The following DNER variants were observed in gnomAD, a reference collection of about 807,000 sequenced individuals.
DNER encodes delta/notch like EGF repeat containing.
In DNER, 33 loss-of-function variants were observed where a neutral mutation model predicts 78.2. The ratio of observed to expected loss-of-function variants is 0.42; its 90% CI spans 0.32 to 0.56. The LOEUF is 0.56. DNER is among the 20% of genes least tolerant of loss of function. The pLI is 0.11. For missense variants in DNER, 918 were observed against 975.3 expected (o/e 0.94, Z 0.78); for synonymous variants, 417 against 384.8 (o/e 1.08, Z -0.98).
chr2:229,507,120 A>T (rs185144735), intron 6 of DNER, among the ~76,000 whole-genome samples: 2 of 152,362 alleles, frequency 1.3e-5, no homozygotes, highest in Admixed American at 1.3e-4. Flanking sequence ...AACTAAACAT[A>T]GAAAAGTTAC....
intron 12 of DNER, 87 bp from the exon 13 acceptor site, chr2:229,358,738 T>C (rs1692146610): frequency 9.4e-7 from 1 of 1,063,330 alleles, no homozygotes; most frequent in East Asian, 2.5e-5. Context: ...TTTATATGCA[T>C]GAATTAAATG....
chr2:229,707,897 T>A (rs1699854261), intron 1 of DNER, among the ~76,000 whole-genome samples: 1 of 152,238 alleles, frequency 6.6e-6, no homozygotes, highest in African/African-American at 2.4e-5. Flanking sequence ...GTCTCTCTGA[T>A]GGGCCAGGCA....
chr2:229,672,354 A>G (rs1443096671), intron 1 of DNER, among the ~76,000 whole-genome samples: 1 of 151,630 alleles, frequency 6.6e-6, no homozygotes, highest in African/African-American at 2.4e-5. Flanking sequence ...CGGACTTTTG[A>G]GATGGAAGCT....
Position 229,591,942 on chromosome 2 carries a change from A to C in DNER, c.277-54T>G. On this transcript the variant is annotated intron_variant, in intron 1 of 12. Transcript: ENST00000341772. The surrounding 1 kb of genome is among the most constrained non-coding windows in gnomAD (Gnocchi z 4.6). ...ATTCCCTCATAAGAAAAGTGGTGCC[A>C]TCGCTGGGAAATTAGCTCTGTGTCT... The C allele has an allele frequency of 6.9e-7, 1 of 1,450,430 alleles. No individual in the cohort carries two copies. The highest frequency in any genetic ancestry group is 9.0e-7 in the Non-Finnish European group (1 of 1,105,656). The allele number at this position is 1,450,430 out of a possible 1,614,324, so 89.8% of individuals were successfully genotyped here. A position where few individuals can be genotyped will look rare whatever the true frequency, so the allele number is the denominator to read the frequency against.
At chr2:229,713,324 T>C (rs1699937638) in intron 1 of DNER, among the ~76,000 whole-genome samples, 1 of 152,198 alleles carries the variant, frequency 6.6e-6, no homozygotes, top group South Asian at 2.1e-4. Context: ...TTCTGCCAAA[T>C]TCTCCTGAAA....
intron 8 of DNER, among the ~76,000 whole-genome samples, chr2:229,424,793 A>C (rs1574837486): frequency 1.3e-5 from 2 of 152,258 alleles, no homozygotes; most frequent in South Asian, 4.1e-4. Flanking sequence ...CTCAGTCACA[A>C]GACTGTTGGT....
intron 1 of DNER, among the ~76,000 whole-genome samples, chr2:229,706,206 A>G: frequency 6.6e-6 from 1 of 152,110 alleles, no homozygotes; most frequent in East Asian, 1.9e-4. Context: ...TGTTTACGGA[A>G]ATATTTAGGA....
At chr2:229,586,587 G>T in intron 3 of DNER, 3 of 619,572 alleles carry the variant, frequency 4.8e-6, no homozygotes, top group Non-Finnish European at 5.8e-6. Context: ...GGATGTCACA[G>T]AAAGCCCATC....
chr2:229,476,040 C>T (rs1695028413), intron 7 of DNER, among the ~76,000 whole-genome samples: 1 of 152,144 alleles, frequency 6.6e-6, no homozygotes, highest in Non-Finnish European at 1.5e-5. Context: ...GGGAGCTGAG[C>T]CTAAATTGCA....
intron 10 of DNER, 98 bp from the exon 11 acceptor site, chr2:229,388,494 C>T: frequency 7.3e-7 from 1 of 1,375,762 alleles, no homozygotes; most frequent in Admixed American, 2.7e-5. Context: ...GGGGTCATAA[C>T]CTTTAGCAAT....
At chr2:229,577,554 G>C (rs1420571182) in intron 4 of DNER, among the ~76,000 whole-genome samples, 1 of 152,144 alleles carries the variant, frequency 6.6e-6, no homozygotes, top group Non-Finnish European at 1.5e-5. Flanking sequence ...AGAATCACTT[G>C]AGCCCGGGAG....
intron 4 of DNER, among the ~76,000 whole-genome samples, chr2:229,568,733 T>G (rs1418029619): frequency 6.6e-6 from 1 of 152,098 alleles, no homozygotes; most frequent in African/African-American, 2.4e-5. Context: ...TTTTTAAAAT[T>G]TTATTATCTG....
At chr2:229,634,272 T>C (rs796767311) in intron 1 of DNER, among the ~76,000 whole-genome samples, 5 of 152,334 alleles carry the variant, frequency 3.3e-5, no homozygotes, top group African/African-American at 1.2e-4. Context: ...CTTCCTTCCT[T>C]CCTTCCTTCT....
intron 8 of DNER, among the ~76,000 whole-genome samples, chr2:229,420,932 A>T (rs1392516346): frequency 6.6e-6 from 1 of 152,158 alleles, no homozygotes; most frequent in Non-Finnish European, 1.5e-5. Context: ...AACCAAAAGA[A>T]TCGAAAACAG....
At chr2:229,622,063 G>T (rs868422149) in intron 1 of DNER, among the ~76,000 whole-genome samples, 1 of 152,180 alleles carries the variant, frequency 6.6e-6, no homozygotes, top group Middle Eastern at 3.2e-3. Context: ...TCCAGCCTGG[G>T]CGACAGAGCG....
intron 1 of DNER, among the ~76,000 whole-genome samples, chr2:229,676,253 C>T (rs981966566): frequency 6.6e-6 from 1 of 152,150 alleles, no homozygotes; most frequent in South Asian, 2.1e-4. Flanking sequence ...ACTGGTTGAG[C>T]GGCAGATGGT....
At chr2:229,695,210 T>C (rs548865204) in intron 1 of DNER, among the ~76,000 whole-genome samples, 1 of 152,176 alleles carries the variant, frequency 6.6e-6, no homozygotes, top group Non-Finnish European at 1.5e-5. Flanking sequence ...CTTTCCTTTA[T>C]AAATCAGCCA....
At chr2:229,495,852 G>A (rs569939537) in intron 6 of DNER, among the ~76,000 whole-genome samples, 46 of 152,240 alleles carry the variant, frequency 3.0e-4, no homozygotes, top group African/African-American at 8.7e-4. Flanking sequence ...TGTATTTGCT[G>A]CTCACTCATT....
intron 7 of DNER, among the ~76,000 whole-genome samples, chr2:229,454,205 G>T (rs1373735514): frequency 6.6e-6 from 1 of 152,154 alleles, no homozygotes; most frequent in Admixed American, 6.5e-5. Context: ...TAAATGAGTG[G>T]CTGCCATTTT....
Sources: gnomAD v4.1 joint callset for allele counts (sites outside exome capture counted in the v4.1 genomes callset) on GRCh38, gnomAD v4.1.1 for gene constraint, Gnocchi (gnomAD v3.1) non-coding constraint, MANE v1.5 for transcripts, NCBI Gene and HGNC (gene_info 2026-07-23, HGNC 2026-07-21) for gene names.